Variants in XYLT1 observed in about 807,000 individuals in gnomAD.
XYLT1 encodes the protein beta-D-xylosyltransferase 1.
XYLT1 carries 36 observed loss-of-function variants against 91.3 expected under a neutral mutation model. The ratio of observed to expected loss-of-function variants is 0.39; its 90% CI spans 0.30 to 0.52. The LOEUF (loss-of-function observed/expected upper bound fraction) is 0.52. Among genes scored for constraint, XYLT1 ranks in the 20% least tolerant of loss-of-function variants. The pLI is 0.68. For missense variants in XYLT1, 1,242 were observed against 1,284.5 expected, an observed-to-expected ratio of 0.97 and a Z score of 0.51; for synonymous variants, 588 against 532.0, an observed-to-expected ratio of 1.11 and a Z score of -1.45.
intron 1 of XYLT1, among the ~76,000 whole-genome samples, chr16:17,460,017 A>G (rs1315968384): frequency 6.6e-6 from 1 of 152,222 alleles, no homozygotes; most frequent in African/African-American, 2.4e-5. Context: ...TGAGCTTCAA[A>G]GCACTTTCTC....
Position 17,108,902 on chromosome 16 carries a change from T to C in XYLT1, c.2673A>G (p.Ala891=), listed in dbSNP as rs1225585840. 2.5e-6 allele frequency: 4 copies of C among 1,608,162 alleles called. No homozygotes were observed. Among genetic ancestry groups the C allele is most frequent in the Non-Finnish European group, 3.4e-6 (4 of 1,175,876 alleles). ...LPINPAQVEQ[A]RRNAASTGTA... is the part of the protein sequence containing the mutation. ...TGCCCGTGGAGGCTGCGTTCCTCCG[T>C]GCCTGTTCCACCTGGGCGGGGTTGA... The change falls in exon 12 of 12, where the codon GCA becomes GCG. Residue 891 remains alanine (A), a synonymous_variant. Transcript: ENST00000261381.
At chr16:17,449,138 C>T (rs56227399) in intron 1 of XYLT1, among the ~76,000 whole-genome samples, 51,496 of 152,186 alleles carry the variant, frequency 0.34, 10,704 homozygotes, top group African/African-American at 0.58. Context: ...TCTGAACCCA[C>T]AGAGCATGCC....
chr16:17,255,834 C>G (rs2033622082), intron 3 of XYLT1, among the ~76,000 whole-genome samples: 1 of 151,924 alleles, frequency 6.6e-6, no homozygotes, highest in Non-Finnish European at 1.5e-5. Context: ...ATGGTGAAAC[C>G]CCACCTCTAC....
chr16:17,273,951 G>A (rs764802095), intron 2 of XYLT1, among the ~76,000 whole-genome samples: 17 of 151,700 alleles, frequency 1.1e-4, no homozygotes, highest in South Asian at 2.1e-4. Context: ...TCGATCTGTC[G>A]TCCAGGCTGG....
chr16:17,140,731 T>C (rs1358203502), intron 7 of XYLT1, among the ~76,000 whole-genome samples: 1 of 150,352 alleles, frequency 6.7e-6, no homozygotes, highest in African/African-American at 2.5e-5. Context: ...GCATATACAG[T>C]TGTGCAGGTT....
chr16:17,337,480 C>A (rs137921594), intron 2 of XYLT1, among the ~76,000 whole-genome samples: 1 of 152,124 alleles, frequency 6.6e-6, no homozygotes, highest in African/African-American at 2.4e-5. Flanking sequence ...CCACCATGCC[C>A]GGCCTCCTGA....
At chr16:17,411,434 T>C (rs1403505695) in intron 1 of XYLT1, among the ~76,000 whole-genome samples, 1 of 152,336 alleles carries the variant, frequency 6.6e-6, no homozygotes, top group African/African-American at 2.4e-5. Context: ...ATGCTGCTAC[T>C]ATCACCTTGG....
At chr16:17,360,058 TGTCC>T (rs2035360722) in intron 1 of XYLT1, among the ~76,000 whole-genome samples, 1 of 152,208 alleles carries the variant, frequency 6.6e-6, no homozygotes, top group South Asian at 2.1e-4. Context: ...TCTGTCTGTC[TGTCC>T]ATTCAGATCT....
intron 1 of XYLT1, among the ~76,000 whole-genome samples, chr16:17,359,729 T>G (rs2035355833): frequency 6.6e-6 from 1 of 152,208 alleles, no homozygotes; most frequent in South Asian, 2.1e-4. Context: ...TCTGGGGAAG[T>G]CATGAAGGAG....
chr16:17,128,780 A>T (rs1255237431), intron 9 of XYLT1, among the ~76,000 whole-genome samples: 1 of 152,232 alleles, frequency 6.6e-6, no homozygotes, highest in Non-Finnish European at 1.5e-5. Context: ...CAGATGGCAA[A>T]AAAGGAGTAC....
At chr16:17,349,548 C>T (rs1327994325) in intron 2 of XYLT1, among the ~76,000 whole-genome samples, 1 of 151,746 alleles carries the variant, frequency 6.6e-6, no homozygotes, top group Non-Finnish European at 1.5e-5. Flanking sequence ...TTAGTAACTC[C>T]CAGGGTTATT....
At chr16:17,387,004 C>T (rs1483872343) in intron 1 of XYLT1, among the ~76,000 whole-genome samples, 2 of 152,120 alleles carry the variant, frequency 1.3e-5, no homozygotes, top group African/African-American at 2.4e-5. Context: ...AGAACAGCCA[C>T]GGAGGTCAAC....
chr16:17,127,598 T>C (rs761699469), intron 10 of XYLT1, 68 bp downstream of exon 10: 16 of 1,515,438 alleles, frequency 1.1e-5, no homozygotes, highest in Non-Finnish European at 1.4e-5. Context: ...AAGTGTCAGA[T>C]AGTGGAGTAG....
At chr16:17,333,663 C>G (rs1297547105) in intron 2 of XYLT1, among the ~76,000 whole-genome samples, 2 of 150,224 alleles carry the variant, frequency 1.3e-5, no homozygotes, top group Non-Finnish European at 2.9e-5. Flanking sequence ...TCTGGGCTCA[C>G]TGCAACCTCT....
chr16:17,421,536 C>T (rs1277356277), intron 1 of XYLT1, among the ~76,000 whole-genome samples: 1 of 152,146 alleles, frequency 6.6e-6, no homozygotes, highest in Non-Finnish European at 1.5e-5. Context: ...GGCCAGCCAC[C>T]ACATCAGAAG....
chr16:17,431,949 C>T (rs919614704), intron 1 of XYLT1, among the ~76,000 whole-genome samples: 1 of 152,162 alleles, frequency 6.6e-6, no homozygotes, highest in Non-Finnish European at 1.5e-5. Flanking sequence ...AATGTGAAAC[C>T]GGTGTGGAGG....
intron 2 of XYLT1, among the ~76,000 whole-genome samples, chr16:17,329,496 A>G (rs952869329): frequency 2.0e-5 from 3 of 152,160 alleles, no homozygotes; most frequent in Non-Finnish European, 2.9e-5. Context: ...CTTCATCCAC[A>G]TGGTTCTTTT....
intron 2 of XYLT1, among the ~76,000 whole-genome samples, chr16:17,311,084 C>A (rs1176126362): frequency 6.6e-6 from 1 of 152,134 alleles, no homozygotes; most frequent in Non-Finnish European, 1.5e-5. Context: ...CCTTCCTTGC[C>A]TTCAGCCCAG....
chr16:17,448,099 G>A (rs769635888), intron 1 of XYLT1, among the ~76,000 whole-genome samples: 1 of 152,234 alleles, frequency 6.6e-6, no homozygotes, highest in Non-Finnish European at 1.5e-5. Flanking sequence ...CAGATGTGGT[G>A]GCTCACACCT....
Sources: allele counts gnomAD v4.1 joint callset (sites outside exome capture counted in the v4.1 genomes callset), GRCh38; gene constraint gnomAD v4.1.1; transcripts MANE v1.5; gene names NCBI Gene and HGNC (gene_info 2026-07-23, HGNC 2026-07-21).